CDCA7: variants seen among roughly 807,000 people sequenced by gnomAD.
CDCA7 encodes the protein cell division cycle associated 7, also known as cell division cycle-associated protein 7.
In CDCA7, 28 loss-of-function variants were observed where a neutral mutation model predicts 54.0. The ratio of observed to expected loss-of-function variants is 0.52; its 90% CI spans 0.38 to 0.71. The LOEUF (loss-of-function observed/expected upper bound fraction) is 0.71, where lower values mean the gene tolerates loss of function less well. Among genes scored for constraint, CDCA7 ranks in the 30% least tolerant of loss-of-function variants. CDCA7 has a pLI of 0.00. For synonymous variants in CDCA7, 180 were observed against 208.2 expected, an observed-to-expected ratio of 0.86 and a Z score of 1.16; for missense variants, 484 against 586.0, an observed-to-expected ratio of 0.83 and a Z score of 1.80.
rs756144888 is a variant in CDCA7, at chr2:173,359,452, A to G, written c.345A>G (p.Ser115=). The G allele has an allele frequency of 2.5e-6, 4 of 1,614,118 alleles. No individual in the cohort carries two copies. In the South Asian group the frequency reaches 4.4e-5, roughly 18 times the overall value. ...TTCATGCCGACTCTGACGATGAATC[A>G]TTTTGCGGTTTCTCAGAGAGTGAGA... ...GIFHADSDDE[S]FCGFSESEIQ... is the part of the protein sequence containing the mutation. Residue 115 remains serine (S), a synonymous_variant, in exon 3 of 10, where the codon TCA becomes TCG. Coordinates refer to ENST00000306721, the MANE Select transcript of CDCA7 (RefSeq NM_031942.5).
Position 173,364,828 on chromosome 2 carries a change from G to T in CDCA7, c.733G>T (p.Gly245Cys). 6.2e-7 allele frequency: 1 copy of T among 1,610,900 alleles called. No individual in the cohort carries two copies. Among genetic ancestry groups the T allele is most frequent in the East Asian group, 2.2e-5 (1 of 44,612 alleles). ...GAGACCGCGAAGGCGTACATTCCCG[G>T]GTGTTGCTTCCAGGAGAAACCCTGA... ...SRRPRRRTFP[G>C]VASRRNPERR... is the part of the protein sequence containing the mutation. The change falls in exon 6 of 10, where the codon GGT becomes TGT. Residue 245 changes from glycine (G) to cysteine (C), a missense_variant. By Grantham distance (159) the Gly-to-Cys change is radical. Around this residue, in one of 3 missense-constraint regions of CDCA7, gnomAD observed 398 missense variants for 447.4 expected, o/e 0.89. Coordinates refer to ENST00000306721, the MANE Select transcript of CDCA7 (RefSeq NM_031942.5).
At chr2:173,357,427 T>A (rs1216485284) in intron 1 of CDCA7, among the ~76,000 whole-genome samples, 1 of 152,244 alleles carries the variant, frequency 6.6e-6, no homozygotes, top group Non-Finnish European at 1.5e-5. Flanking sequence ...TTTGGAGTGC[T>A]ATTTGATCTT....
Position 173,364,968 on chromosome 2 carries a change from G to T in CDCA7, c.873G>T (p.Lys291Asn), listed in dbSNP as rs1382846455. 2.5e-6 allele frequency: 4 copies of T among 1,580,372 alleles called. No homozygotes were observed. Among genetic ancestry groups the T allele is most frequent in the Middle Eastern group, 1.7e-4 (1 of 5,974 alleles). ...AGTACATGTTGGTGAGAAAGAGGAA[G>T]ACCGTGGATGGCTACATGAATGTGA... ...EDKYMLVRKR[K>N]TVDGYMNEDD... The change falls in exon 6 of 10, where the codon AAG becomes AAT. Residue 291 changes from lysine (K) to asparagine (N), a missense_variant. Coordinates refer to ENST00000306721, the MANE Select transcript of CDCA7 (RefSeq NM_031942.5).
intron 5 of CDCA7, 164 bp from the exon 6 acceptor site, chr2:173,364,631 A>T: frequency 1.0e-6 from 1 of 977,076 alleles, no homozygotes; most frequent in African/African-American, 1.7e-5. Flanking sequence ...ATGGCCATAT[A>T]GGTTTTAGGC....
At chr2:173,363,513 A>C in intron 4 of CDCA7, 51 bp downstream of exon 4, 1 of 1,518,368 alleles carries the variant, frequency 6.6e-7, no homozygotes, top group Non-Finnish European at 9.1e-7. Flanking sequence ...TAAGCGACTC[A>C]TTACTTAAAT....
At position 173,354,955 on chromosome 2, in the gene CDCA7, G is replaced by T; in HGVS notation, c.-9G>T. On this transcript the variant is annotated 5_prime_UTR_variant, in exon 1 of 10. Transcript: ENST00000306721. ...GCTCCAAGCGCCGATCTGGGCACCC[G>T]CCACCAGCATGGACGCTCGCCGCGT... 6.9e-7 allele frequency: 1 copy of T among 1,458,618 alleles called. No homozygotes were observed. Among genetic ancestry groups the T allele is most frequent in the Non-Finnish European group, 9.0e-7 (1 of 1,111,816 alleles). The allele number at this position is 1,458,618 out of a possible 1,614,324, so 90.4% of individuals were successfully genotyped here.
rs1434955208 is a variant in CDCA7 at position 173,367,858 on chromosome 2, C to T, written c.*194C>T. On this transcript the variant is annotated 3_prime_UTR_variant, in exon 10 of 10. Transcript: ENST00000306721. ...TATATTGCTAGTTACACTTTGCCCT[C>T]CTGCAGTTTCTTCTCTGCTCCCAAC... is the stretch of plus-strand genomic sequence containing the variant. The T allele has an allele frequency of 1.6e-5, 10 of 628,094 alleles. No homozygotes were observed. 38.9% of individuals were successfully genotyped at this position (628,094 alleles called of 1,614,324 possible).
At chr2:173,364,725 A>G (rs1686686064) in intron 5 of CDCA7, 70 bp from the exon 6 acceptor site, 1 of 1,524,952 alleles carries the variant, frequency 6.6e-7, no homozygotes, top group Non-Finnish European at 8.7e-7. Flanking sequence ...AGGAGAAGCT[A>G]TGAATTCCCC....
chr2:173,355,112 C>T, intron 1 of CDCA7, 128 bp downstream of exon 1: 1 of 1,093,324 alleles, frequency 9.1e-7, no homozygotes, highest in South Asian at 3.7e-5. Context: ...AGGCGTTGCC[C>T]GCTTGGGCAA....
At position 173,364,910 on chromosome 2, in the gene CDCA7, C is replaced by T. The variant is rs1423553736; in HGVS notation, c.815C>T (p.Ala272Val). The stretch of plus-strand genomic sequence containing the variant: ...TCCCGGATCCTCGGGTCCCTTGACG[C>T]TCTACCCATGGAGGAGGAGGAGGAA... The part of the protein sequence containing the change: ...SRSRILGSLD[A>V]LPMEEEEEED... Residue 272 changes from alanine (A) to valine (V), a missense_variant, in exon 6 of 10, where the codon GCT becomes GTT. Transcript: ENST00000306721. 1.2e-6 allele frequency: 2 copies of T among 1,610,076 alleles called. No individual in the cohort carries two copies. The highest frequency in any genetic ancestry group is 1.1e-5 in the South Asian group (1 of 90,258).
In CDCA7 at chr2:173,358,918, C is replaced by T. The variant is rs1361762201; in HGVS notation, c.147+81C>T. On this transcript the variant is annotated intron_variant, in intron 2 of 9. Transcript: ENST00000306721. ...GATGCTTTGTGCGTGATTAAAACTG[C>T]TTGCTTTTTGCCTACATTTCTATAC... 15 of 1,527,554 alleles carry T rather than the reference C, an allele frequency of 9.8e-6. No homozygotes were observed. The East Asian group carries it at 2.7e-4, about 28-fold the overall frequency. 94.6% of individuals were successfully genotyped at this position (1,527,554 alleles called of 1,614,324 possible).
intron 1 of CDCA7, 88 bp downstream of exon 1, chr2:173,355,072 C>A: frequency 1.6e-6 from 2 of 1,237,466 alleles, no homozygotes; most frequent in Non-Finnish European, 1.0e-6. Flanking sequence ...AACTCCGCAG[C>A]CTAGCGCTGC....
At chr2:173,356,964 A>G (rs571750508) in intron 1 of CDCA7, among the ~76,000 whole-genome samples, 6 of 152,334 alleles carry the variant, frequency 3.9e-5, no homozygotes, top group Non-Finnish European at 8.8e-5. Flanking sequence ...TTTATCTGCA[A>G]GAGACTGAAA....
intron 3 of CDCA7, among the ~76,000 whole-genome samples, chr2:173,360,275 G>T (rs1227231916): frequency 6.6e-6 from 1 of 152,216 alleles, no homozygotes; most frequent in East Asian, 1.9e-4. Flanking sequence ...GGAGTTTGTT[G>T]CAGGGGGTCC....
rs1331703305 is a variant in CDCA7 at position 173,368,428 on chromosome 2, A to G, written c.*764A>G. The stretch of plus-strand genomic sequence containing the variant: ...ATTTTCAGTATAAAACTTTAGTATA[A>G]TTGTAGTTTGCAAAGTTTATTTCAG... On this transcript the variant is annotated 3_prime_UTR_variant, in exon 10 of 10. Coordinates refer to ENST00000306721, the MANE Select transcript of CDCA7 (RefSeq NM_031942.5). 6.6e-6 allele frequency: 1 copy of G among 152,222 alleles called. No homozygotes were observed. The highest frequency in any genetic ancestry group is 6.5e-5 in the Admixed American group (1 of 15,278). The allele number at this position is 152,222 out of a possible 1,614,324, so 9.4% of individuals were successfully genotyped here. A position where few individuals can be genotyped will look rare whatever the true frequency, so the allele number is the denominator to read the frequency against.
At chr2:173,355,208 A>G (rs1686472463) in intron 1 of CDCA7, among the ~76,000 whole-genome samples, 1 of 152,222 alleles carries the variant, frequency 6.6e-6, no homozygotes, top group Non-Finnish European at 1.5e-5. Flanking sequence ...GGCGGCGTGG[A>G]GACTTGAGTC....
At chr2:173,365,392 T>C in intron 6 of CDCA7, 60 bp from the exon 7 acceptor site, 1 of 1,541,722 alleles carries the variant, frequency 6.5e-7, no homozygotes. Flanking sequence ...TTTTTCAGTT[T>C]TGAATCTCTT....
At chr2:173,365,346 C>A in intron 6 of CDCA7, 106 bp from the exon 7 acceptor site, 1 of 1,261,932 alleles carries the variant, frequency 7.9e-7, no homozygotes. Flanking sequence ...TGGGGAGAGC[C>A]AGTTTTGAAT....
chr2:173,362,362 G>C (rs967176380), intron 3 of CDCA7, among the ~76,000 whole-genome samples: 1 of 152,116 alleles, frequency 6.6e-6, no homozygotes, highest in Non-Finnish European at 1.5e-5. Context: ...AGTTGGAGAA[G>C]ATGAAAACAT....
Sources: gnomAD v4.1 joint callset for allele counts (sites outside exome capture counted in the v4.1 genomes callset) on GRCh38, gnomAD v4.1.1 for gene constraint, gnomAD v4.1.1 regional missense constraint, MANE v1.5 for transcripts, NCBI Gene and HGNC (gene_info 2026-07-23, HGNC 2026-07-21) for gene names.